Variants in NFATC2 observed in about 807,000 individuals in gnomAD.
The protein encoded by NFATC2 is nuclear factor of activated T-cells, cytoplasmic 2.
Under a neutral mutation model 87.3 loss-of-function variants are expected in NFATC2, and 22 were observed. The observed-to-expected ratio is 0.25, with a 90% CI of 0.18 to 0.36. The LOEUF (loss-of-function observed/expected upper bound fraction) is 0.36. Among genes scored for constraint, NFATC2 ranks in the 10% least tolerant of loss-of-function variants. NFATC2 has a pLI of 1.00. For missense variants in NFATC2, 1,149 were observed against 1,259.1 expected, an observed-to-expected ratio of 0.91 and a Z score of 1.32; for synonymous variants, 565 against 542.2, an observed-to-expected ratio of 1.04 and a Z score of -0.58.
upstream of NFATC2, among the ~76,000 whole-genome samples, chr20:51,547,440 C>G (rs574613234): frequency 1.2e-4 from 19 of 152,254 alleles, no homozygotes; most frequent in East Asian, 3.7e-3. Context: ...GAAGCTCCTC[C>G]TACCACCCAA....
intron 3 of NFATC2, among the ~76,000 whole-genome samples, chr20:51,502,961 T>G (rs1160621683): frequency 1.3e-5 from 2 of 152,220 alleles, no homozygotes; most frequent in East Asian, 1.9e-4. Flanking sequence ...AATGGCTTCC[T>G]AAGTTGAGCA....
In NFATC2 at chr20:51,432,873, A is replaced by C; in HGVS notation, c.2033-117T>G. On this transcript the variant is annotated intron_variant, in intron 8 of 10. Transcript: ENST00000371564. This position sits in a 1 kb window ranked among gnomAD's most constrained non-coding sequence, Gnocchi z 4.6. ...TTGGGAGTCCATACGGGTGGGACAA[A>C]CAGCTGGTCCCTGTCACTTATCAGC... is the stretch of plus-strand genomic sequence containing the variant. The C allele has an allele frequency of 2.4e-6, 2 of 846,744 alleles. No individual in the cohort carries two copies. The highest frequency in any genetic ancestry group is 1.7e-6 in the Non-Finnish European group (1 of 601,068). The allele number at this position is 846,744 out of a possible 1,614,324, so 52.5% of individuals were successfully genotyped here. A position where few individuals can be genotyped will look rare whatever the true frequency, so the allele number is the denominator to read the frequency against.
rs575469703 is a variant in NFATC2 at position 51,495,647 on chromosome 20, C to T, written c.1333-19987G>A. On this transcript the variant is annotated intron_variant, in intron 3 of 10. Coordinates refer to ENST00000371564, the MANE Select transcript of NFATC2 (RefSeq NM_012340.5). ...CATTTTTAGCAAGCATGGAGTTTGC[C>T]GGGACCAAGGAAAATTGACTCACTC... Among the ~76,000 whole-genome samples the T allele has an allele frequency of 1.2e-4, 18 of 152,220 alleles. 1 individual carries two copies. The highest frequency in any genetic ancestry group is 3.6e-4 in the African/African-American group (15 of 41,512).
At chr20:51,534,723 C>T (rs992258908) in intron 1 of NFATC2, among the ~76,000 whole-genome samples, 62 of 152,298 alleles carry the variant, frequency 4.1e-4, no homozygotes, top group African/African-American at 1.5e-3. Context: ...TATATACACA[C>T]ACTCGAACAT....
At chr20:51,517,917 A>G (rs1486043252) in intron 2 of NFATC2, among the ~76,000 whole-genome samples, 47 of 143,982 alleles carry the variant, frequency 3.3e-4, no homozygotes, top group African/African-American at 9.5e-4. Flanking sequence ...TGTCTCAAAA[A>G]AAAAAAAAAA....
At chr20:51,492,003 G>A (rs541500767) in intron 3 of NFATC2, among the ~76,000 whole-genome samples, 2 of 150,310 alleles carry the variant, frequency 1.3e-5, no homozygotes, top group Non-Finnish European at 3.0e-5. Flanking sequence ...CCAGCCCCGC[G>A]CCCCCGGAGT....
At chr20:51,521,600 C>T (rs1210923561) in intron 2 of NFATC2, among the ~76,000 whole-genome samples, 2 of 152,186 alleles carry the variant, frequency 1.3e-5, no homozygotes, top group South Asian at 2.1e-4. Flanking sequence ...GGATTACAGG[C>T]GTGAGCCACC....
intron 3 of NFATC2, among the ~76,000 whole-genome samples, chr20:51,499,171 C>G (rs1272012126): frequency 1.3e-5 from 2 of 152,100 alleles, no homozygotes; most frequent in African/African-American, 4.8e-5. Flanking sequence ...TGGTGTAGAC[C>G]AAGGTACACT....
chr20:51,473,429 G>T (rs1401151003), intron 5 of NFATC2, among the ~76,000 whole-genome samples: 1 of 152,104 alleles, frequency 6.6e-6, no homozygotes, highest in African/African-American at 2.4e-5. Context: ...CCACTCTTTG[G>T]TTGTGTGCAC....
At chr20:51,464,721 AG>A in intron 5 of NFATC2, among the ~76,000 whole-genome samples, 1 of 152,138 alleles carries the variant, frequency 6.6e-6, no homozygotes, top group Non-Finnish European at 1.5e-5. Context: ...GAGGCCCTTG[AG>A]TTGGTCTCTG....
intron 1 of NFATC2, among the ~76,000 whole-genome samples, chr20:51,532,453 A>C (rs1464743520): frequency 6.6e-6 from 1 of 152,016 alleles, no homozygotes; most frequent in Non-Finnish European, 1.5e-5. Flanking sequence ...TCATCATTTC[A>C]CTCGGGAGGT....
At chr20:51,551,835 G>A (rs897915001) in intron 1 of NFATC2, among the ~76,000 whole-genome samples, 6 of 151,622 alleles carry the variant, frequency 4.0e-5, no homozygotes, top group African/African-American at 1.5e-4. Context: ...AGACCATCCT[G>A]GCTAACATGG....
chr20:51,546,402 T>C (rs1238052455), upstream of NFATC2, among the ~76,000 whole-genome samples: 1 of 152,172 alleles, frequency 6.6e-6, no homozygotes, highest in Non-Finnish European at 1.5e-5. Flanking sequence ...AAATAAATAA[T>C]CTGTGCTCTT....
intron 3 of NFATC2, among the ~76,000 whole-genome samples, chr20:51,498,841 T>C (rs1310639200): frequency 1.3e-5 from 2 of 152,108 alleles, no homozygotes; most frequent in Non-Finnish European, 2.9e-5. Flanking sequence ...AGGGGATCTA[T>C]TTTGGTAGGA....
chr20:51,528,393 C>G (rs576264429), intron 1 of NFATC2, among the ~76,000 whole-genome samples: 1 of 148,360 alleles, frequency 6.7e-6, no homozygotes, highest in South Asian at 2.3e-4. Flanking sequence ...TACACAAACA[C>G]AGAGAGATGT....
chr20:51,498,568 C>A (rs1176335832), intron 3 of NFATC2, among the ~76,000 whole-genome samples: 3 of 152,206 alleles, frequency 2.0e-5, no homozygotes, highest in African/African-American at 7.2e-5. Flanking sequence ...GAGGCCGAGG[C>A]AGGCAGATCA....
chr20:51,476,872 A>G (rs1988761844), intron 3 of NFATC2, among the ~76,000 whole-genome samples: 1 of 152,250 alleles, frequency 6.6e-6, no homozygotes, highest in Admixed American at 6.5e-5. Flanking sequence ...ATTGGCACAC[A>G]TGTAGATATT....
chr20:51,457,351 C>A (rs1056748767), intron 5 of NFATC2, among the ~76,000 whole-genome samples: 20 of 152,218 alleles, frequency 1.3e-4, no homozygotes, highest in Non-Finnish European at 2.8e-4. Context: ...GGCAAGCCAG[C>A]CCAAGGCTTG....
rs117215398 is a variant in NFATC2 at position 51,428,600 on chromosome 20, G to A, written c.2722+3467C>T. 4.0e-3 allele frequency among the ~76,000 whole-genome samples: 611 copies of A among 152,268 alleles called. 5 individuals are homozygous for A. The highest frequency in any genetic ancestry group is 0.013 in the African/African-American group (560 of 41,548). On this transcript the variant is annotated intron_variant, in intron 9 of 10. Transcript: ENST00000371564. ...GCGGGGTGGAATGCCCAGACGCGAC[G>A]CTGGGATCACTGGCCAAGGTGCAGG... is the stretch of plus-strand genomic sequence containing the variant.
Sources: allele counts gnomAD v4.1 joint callset (sites outside exome capture counted in the v4.1 genomes callset), GRCh38; gene constraint gnomAD v4.1.1; non-coding constraint Gnocchi (gnomAD v3.1); transcripts MANE v1.5; gene names NCBI Gene and HGNC (gene_info 2026-07-23, HGNC 2026-07-21).